The following ROBO2 variants were observed in gnomAD, a reference collection of about 807,000 sequenced individuals.
ROBO2 encodes the protein roundabout homolog 2.
A neutral mutation model predicts 160.8 loss-of-function variants in ROBO2; 53 were observed. The observed-to-expected ratio is 0.33, with a 90% CI of 0.26 to 0.41. ROBO2 has a LOEUF of 0.41. ROBO2 is among the 10% of genes least tolerant of loss of function. ROBO2 has a pLI of 1.00. For synonymous variants in ROBO2, 664 were observed against 611.7 expected (o/e 1.09, Z -1.26); for missense variants, 1,577 against 1,722.4 (o/e 0.92, Z 1.49).
intron 2 of ROBO2, among the ~76,000 whole-genome samples, chr3:76,717,336 A>G (rs2093396370): frequency 6.6e-6 from 1 of 151,970 alleles, no homozygotes. Context: ...AACTAAAAAT[A>G]CAAAAATTAG....
At chr3:77,421,894 C>T (rs1332617308) in intron 2 of ROBO2, among the ~76,000 whole-genome samples, 1 of 151,898 alleles carries the variant, frequency 6.6e-6, no homozygotes, top group Non-Finnish European at 1.5e-5. Flanking sequence ...GATCTGCTGT[C>T]TAAAAATGTT....
At chr3:77,047,927 G>A (rs1198878787) in intron 1 of ROBO2, among the ~76,000 whole-genome samples, 1 of 150,582 alleles carries the variant, frequency 6.6e-6, no homozygotes, top group African/African-American at 2.4e-5. Flanking sequence ...GGCGCCTGTA[G>A]TCCCAGCTAC....
At chr3:77,617,855 A>C (rs2094815681) in intron 22 of ROBO2, 82 bp downstream of exon 23, 1 of 1,426,270 alleles carries the variant, frequency 7.0e-7, no homozygotes, top group Non-Finnish European at 9.7e-7. Context: ...AGAGATTCTG[A>C]TAGAACTACA....
At chr3:76,651,542 T>C (rs1423575142) in intron 2 of ROBO2, among the ~76,000 whole-genome samples, 1 of 151,992 alleles carries the variant, frequency 6.6e-6, no homozygotes, top group Admixed American at 6.6e-5. Flanking sequence ...GAGAGATGAC[T>C]AGTAGCTCAA....
intron 2 of ROBO2, among the ~76,000 whole-genome samples, chr3:76,690,104 A>C (rs563305716): frequency 6.6e-6 from 1 of 152,134 alleles, no homozygotes; most frequent in Non-Finnish European, 1.5e-5. Flanking sequence ...AGAATCAAAA[A>C]TGTCTGGCAG....
rs1376369226 is a variant in ROBO2, at chr3:76,323,405, A to AT, written c.109+385810dup. On this transcript the variant is annotated intron_variant, in intron 2 of 26. Coordinates refer to the ROBO2 transcript ENST00000487694. ...GTGAAAATGTTAGATGCATACTATTATTTTTTTATTTTTAGTCAAATAAAA... is the reference window on the plus strand; with the variant it reads ...GTGAAAATGTTAGATGCATACTATTATTTTTTTTATTTTTAGTCAAATAAAA... 2.0e-5 allele frequency among the ~76,000 whole-genome samples: 3 copies of AT among 152,194 alleles called. No individual in the cohort carries two copies. The South Asian group carries it at 6.2e-4, about 32-fold the overall frequency.
At chr3:75,990,107 C>G in intron 2 of ROBO2, among the ~76,000 whole-genome samples, 1 of 152,212 alleles carries the variant, frequency 6.6e-6, no homozygotes, top group South Asian at 2.1e-4. Context: ...TAGAAACATA[C>G]TTAACATTCT....
intron 2 of ROBO2, among the ~76,000 whole-genome samples, chr3:76,660,729 G>A (rs556122167): frequency 6.5e-4 from 99 of 152,126 alleles, no homozygotes; most frequent in African/African-American, 2.3e-3. Flanking sequence ...GATTCCCCCT[G>A]AATAATACCA....
chr3:76,981,561 A>G (rs971206492), intron 2 of ROBO2, among the ~76,000 whole-genome samples: 3 of 152,146 alleles, frequency 2.0e-5, no homozygotes, highest in Non-Finnish European at 4.4e-5. Flanking sequence ...TTTTAGGTAT[A>G]AGTTATCAGA....
At chr3:76,099,843 A>G (rs1242048409) in intron 2 of ROBO2, among the ~76,000 whole-genome samples, 1 of 152,196 alleles carries the variant, frequency 6.6e-6, no homozygotes, top group African/African-American at 2.4e-5. Flanking sequence ...GCAAGTGCAG[A>G]AATTACTTTG....
chr3:76,551,176 A>T (rs2083395391), intron 2 of ROBO2, among the ~76,000 whole-genome samples: 1 of 152,054 alleles, frequency 6.6e-6, no homozygotes, highest in Non-Finnish European at 1.5e-5. Flanking sequence ...TGAAAACCCC[A>T]GACTCAGCCA....
At chr3:77,446,056 C>T (rs1000052203) in intron 2 of ROBO2, among the ~76,000 whole-genome samples, 6 of 151,954 alleles carry the variant, frequency 3.9e-5, no homozygotes, top group Admixed American at 3.3e-4. Context: ...TTCCAGGAGT[C>T]TACAACTCTC....
intron 2 of ROBO2, among the ~76,000 whole-genome samples, chr3:76,297,698 G>T (rs1709145452): frequency 2.1e-5 from 2 of 96,486 alleles, no homozygotes; most frequent in South Asian, 6.7e-4. Context: ...GAAGAAAGCT[G>T]CTTTCCTTAA....
At chr3:77,500,934 G>T (rs1320285743) in intron 5 of ROBO2, among the ~76,000 whole-genome samples, 1 of 152,150 alleles carries the variant, frequency 6.6e-6, no homozygotes, top group Non-Finnish European at 1.5e-5. Context: ...AATATGAAAT[G>T]CCTTGAAGTC....
chr3:76,600,599 A>G (rs9309745), intron 2 of ROBO2, among the ~76,000 whole-genome samples: 147,754 of 152,192 alleles, frequency 0.97, 71,882 homozygotes, highest in East Asian at 1. Context: ...ATCAGATCTT[A>G]TGAGACTCAT....
chr3:76,618,423 A>G (rs2121787), intron 2 of ROBO2, among the ~76,000 whole-genome samples: 9,668 of 150,640 alleles, frequency 0.064, 465 homozygotes, highest in Middle Eastern at 0.095. Context: ...AAAATTCAGG[A>G]CATAGGAAAT....
At chr3:76,964,095 C>T (rs2079886071) in intron 2 of ROBO2, among the ~76,000 whole-genome samples, 1 of 151,996 alleles carries the variant, frequency 6.6e-6, no homozygotes, top group Non-Finnish European at 1.5e-5. Flanking sequence ...AGACAATGTG[C>T]CATAAAGGAA....
At chr3:77,632,948 G>A (rs1221113887) in intron 23 of ROBO2, 1 of 227,602 alleles carries the variant, frequency 4.4e-6, no homozygotes, top group Admixed American at 5.6e-5. Flanking sequence ...AACTAAGATT[G>A]CCATTAAATT....
At chr3:77,625,655 C>T (rs768096557) in intron 23 of ROBO2, among the ~76,000 whole-genome samples, 2 of 152,122 alleles carry the variant, frequency 1.3e-5, no homozygotes, top group Admixed American at 6.5e-5. Context: ...GGATTACAGG[C>T]GTGAGCCACT....
Sources: allele counts gnomAD v4.1 joint callset (sites outside exome capture counted in the v4.1 genomes callset), GRCh38; gene constraint gnomAD v4.1.1; transcripts MANE v1.5; gene names NCBI Gene and HGNC (gene_info 2026-07-23, HGNC 2026-07-21).